Variants in SMARCAL1 observed in about 807,000 individuals in gnomAD.
SMARCAL1 encodes the protein ATP-driven annealing helicase.
SMARCAL1 carries 58 observed loss-of-function variants against 94.5 expected under a neutral mutation model. The observed-to-expected ratio is 0.61, with a 90% CI of 0.50 to 0.76. The LOEUF is 0.76. SMARCAL1 is among the 30% of genes least tolerant of loss of function. The pLI, the probability that SMARCAL1 is intolerant of heterozygous loss-of-function variation, is 0.00. For missense variants in SMARCAL1, 1,051 were observed against 1,177.9 expected (o/e 0.89, Z 1.58); for synonymous variants, 422 against 455.1 (o/e 0.93, Z 0.93).
intron 17 of SMARCAL1, among the ~76,000 whole-genome samples, chr2:216,478,526 T>C (rs920180040): frequency 3.9e-5 from 6 of 152,200 alleles, no homozygotes; most frequent in Non-Finnish European, 8.8e-5. Flanking sequence ...CCGCACAGGC[T>C]CTGAATGCTG....
chr2:216,415,087 A>G lies in SMARCAL1; in HGVS notation c.383A>G (p.Gln128Arg), dbSNP rs1468611444. Reference sequence around the variant, plus strand: ...ACTGGAATCTCTCCTCCCTTGGCACAAAGTCCTCCAGAGGTCCCTAAACAA... The same window carrying G: ...ACTGGAATCTCTCCTCCCTTGGCACGAAGTCCTCCAGAGGTCCCTAAACAA... ...ALTGISPPLA[Q>R]SPPEVPKQQL... The change falls in exon 3 of 18, where the codon CAA becomes CGA. Residue 128 changes from glutamine to arginine, a missense_variant. Gln to Arg is a conservative substitution (Grantham distance 43). Around this residue, in one of 3 missense-constraint regions of SMARCAL1, gnomAD observed 398 missense variants for 395.2 expected, o/e 1.01. Coordinates refer to ENST00000357276, the MANE Select transcript of SMARCAL1 (RefSeq NM_014140.4). The G allele has an allele frequency of 8.1e-6, 13 of 1,614,082 alleles. No homozygotes were observed. Among genetic ancestry groups the G allele is most frequent in the Non-Finnish European group, 1.1e-5 (13 of 1,180,038 alleles).
chr2:216,420,500 C>G lies in SMARCAL1; in HGVS notation c.1064C>G (p.Ala355Gly). 1 of 1,614,064 alleles carries G rather than the reference C, an allele frequency of 6.2e-7. No individual in the cohort carries two copies. The highest frequency in any genetic ancestry group is 8.5e-7 in the Non-Finnish European group (1 of 1,179,912). Residue 355 changes from alanine to glycine, a missense_variant, in exon 5 of 18, where the codon GCG (alanine) becomes GGG (glycine). Around this residue, in one of 3 missense-constraint regions of SMARCAL1, gnomAD observed 642 missense variants for 754.7 expected, o/e 0.85. Transcript: ENST00000357276. The stretch of plus-strand genomic sequence containing the variant: ...ATCAGTTATTCACAGGACCTTATTG[C>G]GCTTTTTAAACAGATGGATTCCAGA... The part of the protein sequence containing the change: ...ADISYSQDLI[A>G]LFKQMDSRRY...
rs1413970550 is a variant in SMARCAL1, at chr2:216,422,680, T to G, written c.1097-953T>G. On this transcript the variant is annotated intron_variant, in intron 5 of 17. Transcript: ENST00000357276. ...GTACCTGGACGACCTCGCTTTTTCC[T>G]GAAACTGACTCTGTGTCCATGATGC... Among the ~76,000 whole-genome samples, 3 of 152,252 alleles carry G rather than the reference T, an allele frequency of 2.0e-5. No homozygotes were observed. In the East Asian group the frequency reaches 5.8e-4, roughly 29 times the overall value.
intron 4 of SMARCAL1, among the ~76,000 whole-genome samples, chr2:216,418,804 A>G (rs964362571): frequency 1.3e-5 from 2 of 152,184 alleles, no homozygotes; most frequent in African/African-American, 4.8e-5. Context: ...CATAAAGCAT[A>G]TTTACTTTAC....
At chr2:216,420,602 C>G (rs1693698598) in intron 5 of SMARCAL1, 70 bp downstream of exon 5, 1 of 1,212,948 alleles carries the variant, frequency 8.2e-7, no homozygotes, top group Non-Finnish European at 1.2e-6. Context: ...GGGTGTTTTT[C>G]TCTACCTCGA....
chr2:216,449,141 A>T (rs1335043291), intron 11 of SMARCAL1, among the ~76,000 whole-genome samples: 1 of 152,242 alleles, frequency 6.6e-6, no homozygotes, highest in African/African-American at 2.4e-5. Context: ...GTGTCAGCTC[A>T]GGTCTCTGGT....
At chr2:216,424,162 C>G (rs1693782850) in intron 6 of SMARCAL1, among the ~76,000 whole-genome samples, 1 of 152,146 alleles carries the variant, frequency 6.6e-6, no homozygotes. Context: ...AAGTCAAGGC[C>G]AGGGACTTAG....
At chr2:216,463,718 A>G (rs1396132385) in intron 12 of SMARCAL1, among the ~76,000 whole-genome samples, 1 of 152,182 alleles carries the variant, frequency 6.6e-6, no homozygotes, top group Non-Finnish European at 1.5e-5. Flanking sequence ...TGGGAGGTAT[A>G]CCAAGAACAC....
At chr2:216,413,340 C>G (rs550464727) in intron 1 of SMARCAL1, among the ~76,000 whole-genome samples, 2 of 152,302 alleles carry the variant, frequency 1.3e-5, no homozygotes, top group African/African-American at 4.8e-5. Flanking sequence ...ATTGGTGTGT[C>G]CTGCCCGCTG....
intron 9 of SMARCAL1, 118 bp from the exon 10 acceptor site, chr2:216,438,299 GAGA>G (rs1193957718): frequency 1.2e-6 from 1 of 825,388 alleles, no homozygotes; most frequent in Non-Finnish European, 2.0e-6. Flanking sequence ...CTCCTTGAAT[GAGA>G]AAGTGCTAAG....
intron 7 of SMARCAL1, among the ~76,000 whole-genome samples, chr2:216,430,949 G>A (rs1693948373): frequency 6.6e-6 from 1 of 152,270 alleles, no homozygotes; most frequent in Admixed American, 6.5e-5. Context: ...ATAGAGGTGG[G>A]TGTACAGGGA....
At chr2:216,451,221 A>G in intron 12 of SMARCAL1, 157 bp downstream of exon 12, 1 of 698,446 alleles carries the variant, frequency 1.4e-6, no homozygotes, top group South Asian at 1.6e-5. Context: ...TTCATTCCTC[A>G]GCCTACCTAG....
intron 11 of SMARCAL1, 140 bp from the exon 12 acceptor site, chr2:216,450,706 T>G (rs1694429296): frequency 1.5e-6 from 1 of 648,102 alleles, no homozygotes; most frequent in East Asian, 2.7e-5. Flanking sequence ...GGGGGTTTAT[T>G]TGTCCCTGTA....
intron 11 of SMARCAL1, among the ~76,000 whole-genome samples, chr2:216,448,473 C>T (rs1574466486): frequency 6.6e-6 from 1 of 152,192 alleles, no homozygotes; most frequent in Non-Finnish European, 1.5e-5. Context: ...CCATCTTAGG[C>T]CAGCATCTCA....
chr2:216,424,611 C>T (rs1449875908), intron 6 of SMARCAL1, among the ~76,000 whole-genome samples: 1 of 152,126 alleles, frequency 6.6e-6, no homozygotes, highest in Non-Finnish European at 1.5e-5. Context: ...CCTTTTGTCT[C>T]CTTCTTATGT....
chr2:216,423,663 T>C lies in SMARCAL1; in HGVS notation c.1127T>C (p.Leu376Ser), dbSNP rs1237992271. ...AAGACCAGGAAGTGGAGCTTTCTCT[T>C]GGAAGAGCACAGTAAACTAAGTGAG... ...DVKTRKWSFL[L>S]EEHSKLIAKV... Residue 376 changes from leucine (L) to serine (S), a missense_variant, in exon 6 of 18, where the codon TTG becomes TCG. By Grantham distance (145) the Leu-to-Ser change is moderately radical. Around this residue, in one of 3 missense-constraint regions of SMARCAL1, gnomAD observed 642 missense variants for 754.7 expected, o/e 0.85. Transcript: ENST00000357276. 6.2e-7 allele frequency: 1 copy of C among 1,614,038 alleles called. No individual in the cohort carries two copies. The highest frequency in any genetic ancestry group is 1.7e-5 in the Admixed American group (1 of 60,036).
At chr2:216,427,981 C>T (rs958371135) in intron 6 of SMARCAL1, among the ~76,000 whole-genome samples, 12 of 152,116 alleles carry the variant, frequency 7.9e-5, no homozygotes, top group Non-Finnish European at 1.6e-4. Flanking sequence ...TACCGGAGGA[C>T]GATTAGCCTT....
intron 14 of SMARCAL1, among the ~76,000 whole-genome samples, chr2:216,473,615 A>G (rs1252876706): frequency 6.6e-6 from 1 of 152,138 alleles, no homozygotes; most frequent in Non-Finnish European, 1.5e-5. Flanking sequence ...TTTACTTATA[A>G]TGTGTTTTAT....
intron 4 of SMARCAL1, among the ~76,000 whole-genome samples, chr2:216,418,762 T>C (rs1455259452): frequency 1.3e-5 from 2 of 152,240 alleles, no homozygotes; most frequent in African/African-American, 2.4e-5. Context: ...TGCATATAAT[T>C]TGTATTTTGC....
Sources: allele counts gnomAD v4.1 joint callset (sites outside exome capture counted in the v4.1 genomes callset), GRCh38; gene constraint gnomAD v4.1.1; regional missense constraint gnomAD v4.1.1; transcripts MANE v1.5; gene names NCBI Gene and HGNC (gene_info 2026-07-23, HGNC 2026-07-21).